SH3BGRL2: variants seen among roughly 807,000 people sequenced by gnomAD.
SH3BGRL2 encodes the protein SH3 domain-binding glutamic acid-rich-like protein 2.
SH3BGRL2 carries 21 observed loss-of-function variants against 14.8 expected under a neutral mutation model. The observed-to-expected ratio is 1.42, with a 90% CI of 1.01 to 2.05. SH3BGRL2 has a LOEUF of 2.05. SH3BGRL2 is among the 30% of genes most tolerant of loss of function. SH3BGRL2 has a pLI of 0.00. For synonymous variants in SH3BGRL2, 50 were observed against 47.8 expected (o/e 1.05, Z -0.19); for missense variants, 147 against 130.8 (o/e 1.12, Z -0.61).
chr6:79,546,172 A>G, the SH3BGRL2 span, among the ~76,000 whole-genome samples: 1 of 152,220 alleles, frequency 6.6e-6, no homozygotes, highest in African/African-American at 2.4e-5. Context: ...AGACCCTAAC[A>G]TTATGACACT....
chr6:79,559,367 C>T, the SH3BGRL2 span, among the ~76,000 whole-genome samples: 119,479 of 151,990 alleles, frequency 0.79, 47,053 homozygotes, highest in Middle Eastern at 0.89. Context: ...TTTTGTGTCT[C>T]GCAATATGAC....
chr6:79,589,097 G>A, the SH3BGRL2 span, among the ~76,000 whole-genome samples: 2 of 151,616 alleles, frequency 1.3e-5, no homozygotes, highest in South Asian at 2.1e-4. Context: ...CTAATACAGT[G>A]TAAATGCTAT....
the SH3BGRL2 span, among the ~76,000 whole-genome samples, chr6:79,604,413 A>G: frequency 1.3e-5 from 2 of 152,150 alleles, no homozygotes; most frequent in East Asian, 3.9e-4. Context: ...TCAGGTAAGC[A>G]CCTTTCTTAA....
At chr6:79,597,740 C>G in the SH3BGRL2 span, among the ~76,000 whole-genome samples, 4 of 152,208 alleles carry the variant, frequency 2.6e-5, no homozygotes, top group Admixed American at 6.5e-5. Context: ...AAGACAAGCA[C>G]CAGAAGAGAA....
At chr6:79,675,932 C>T (rs896310717) in intron 2 of SH3BGRL2, among the ~76,000 whole-genome samples, 2 of 151,612 alleles carry the variant, frequency 1.3e-5, no homozygotes, top group African/African-American at 4.8e-5. Context: ...GTCTTTTGTT[C>T]ATGTAAGAGG....
rs1482689779 is a variant in SH3BGRL2 at position 79,701,584 on chromosome 6, G to A, written c.*2075G>A. 1 of 147,820 alleles carries A rather than the reference G, an allele frequency of 6.8e-6. No homozygotes were observed. The highest frequency in any genetic ancestry group is 2.5e-5 in the African/African-American group (1 of 40,050). 9.2% of individuals were successfully genotyped at this position (147,820 alleles called of 1,614,324 possible). ...AATGCTAAATTACCATCACAGTTATGTGCCATCTCCCCACCCCATTTTTTT... is the reference window on the plus strand; with the variant it reads ...AATGCTAAATTACCATCACAGTTATATGCCATCTCCCCACCCCATTTTTTT... On this transcript the variant is annotated 3_prime_UTR_variant, in exon 4 of 4. Transcript: ENST00000369838.
At chr6:79,608,145 C>G in the SH3BGRL2 span, among the ~76,000 whole-genome samples, 13 of 152,102 alleles carry the variant, frequency 8.5e-5, no homozygotes, top group Non-Finnish European at 1.3e-4. Context: ...TGAGAACTCA[C>G]TCACTATCAC....
At chr6:79,590,426 TATA>T in the SH3BGRL2 span, among the ~76,000 whole-genome samples, 27 of 55,922 alleles carry the variant, frequency 4.8e-4, 1 homozygote, top group Admixed American at 1.3e-3. Context: ...GAAAATGTGA[TATA>T]TATATATATA....
rs142224954 is a variant in SH3BGRL2 at position 79,673,733 on chromosome 6, G to C, written c.165G>C (p.Pro55=). ...AATGGATGTACAAAAACGTCCCCCC[G>C]GAAAAGAAACCCACTCAGGGCAACC... ...QRQWMYKNVP[P]EKKPTQGNPL... is the part of the protein sequence containing the mutation. The change falls in exon 2 of 4, where the codon CCG becomes CCC. Residue 55 remains proline, a synonymous_variant. Coordinates refer to ENST00000369838, the MANE Select transcript of SH3BGRL2 (RefSeq NM_031469.4). 1.2e-6 allele frequency: 2 copies of C among 1,614,072 alleles called. No homozygotes were observed. The highest frequency in any genetic ancestry group is 1.7e-6 in the Non-Finnish European group (2 of 1,179,996).
At chr6:79,611,601 G>T in the SH3BGRL2 span, among the ~76,000 whole-genome samples, 4 of 151,792 alleles carry the variant, frequency 2.6e-5, no homozygotes, top group African/African-American at 7.3e-5. Flanking sequence ...TAGTAGAGGC[G>T]GGGTTTCGCC....
chr6:79,560,717 T>C, the SH3BGRL2 span, among the ~76,000 whole-genome samples: 1 of 152,146 alleles, frequency 6.6e-6, no homozygotes, highest in Non-Finnish European at 1.5e-5. Flanking sequence ...TATTTTTTCA[T>C]TGCAAGGAGC....
chr6:79,680,970 C>G (rs1005690126), intron 2 of SH3BGRL2, among the ~76,000 whole-genome samples: 1 of 151,822 alleles, frequency 6.6e-6, no homozygotes, highest in African/African-American at 2.4e-5. Flanking sequence ...TATTTTTTAA[C>G]TGGTGGTTGG....
the SH3BGRL2 span, among the ~76,000 whole-genome samples, chr6:79,545,138 T>C: frequency 7.5e-4 from 115 of 152,338 alleles, no homozygotes; most frequent in African/African-American, 2.7e-3. Context: ...TCTTCCCAAC[T>C]GAACTTCTGA....
At chr6:79,698,512 C>T (rs1156524145) in intron 3 of SH3BGRL2, among the ~76,000 whole-genome samples, 1 of 152,108 alleles carries the variant, frequency 6.6e-6, no homozygotes, top group African/African-American at 2.4e-5. Context: ...AACATAAAGA[C>T]ATCATTAGCA....
At chr6:79,591,801 G>A in the SH3BGRL2 span, among the ~76,000 whole-genome samples, 1 of 152,186 alleles carries the variant, frequency 6.6e-6, no homozygotes. Flanking sequence ...TTATCCAAGA[G>A]CTACTGCTCA....
the SH3BGRL2 span, among the ~76,000 whole-genome samples, chr6:79,572,853 A>C: frequency 6.6e-6 from 1 of 152,090 alleles, no homozygotes; most frequent in Non-Finnish European, 1.5e-5. Flanking sequence ...TTTGGTAGGG[A>C]TTTGTAGACA....
chr6:79,641,889 G>A (rs1462012306), intron 1 of SH3BGRL2, among the ~76,000 whole-genome samples: 1 of 152,156 alleles, frequency 6.6e-6, no homozygotes, highest in Non-Finnish European at 1.5e-5. Flanking sequence ...AAATTTAAGT[G>A]TAAAGGGTTT....
At chr6:79,652,633 T>A (rs376647103) in intron 1 of SH3BGRL2, among the ~76,000 whole-genome samples, 1 of 151,888 alleles carries the variant, frequency 6.6e-6, no homozygotes, top group East Asian at 1.9e-4. Flanking sequence ...TGGTACTCAA[T>A]AAATATTTTC....
intron 1 of SH3BGRL2, among the ~76,000 whole-genome samples, chr6:79,643,614 G>A (rs1390659784): frequency 6.6e-6 from 1 of 152,116 alleles, no homozygotes; most frequent in Non-Finnish European, 1.5e-5. Flanking sequence ...AGTACTAGGG[G>A]GCTTGCATTT....
Sources: allele counts gnomAD v4.1 joint callset (sites outside exome capture counted in the v4.1 genomes callset), GRCh38; gene constraint gnomAD v4.1.1; transcripts MANE v1.5; gene names NCBI Gene and HGNC (gene_info 2026-07-23, HGNC 2026-07-21).